The following SFMBT2 variants were observed in gnomAD, a reference collection of about 807,000 sequenced individuals.
SFMBT2 encodes the protein scm-like with four MBT domains protein 2.
A neutral mutation model predicts 110.1 loss-of-function variants in SFMBT2; 38 were observed. The observed-to-expected ratio is 0.35, with a 90% confidence interval of 0.27 to 0.45. The LOEUF (loss-of-function observed/expected upper bound fraction) is 0.45. Ranked by LOEUF, SFMBT2 falls within the 20% of genes least tolerant of loss-of-function variation. SFMBT2 has a pLI of 1.00. For synonymous variants in SFMBT2, 425 were observed against 425.4 expected (o/e 1.00, Z 0.01); for missense variants, 1,011 against 1,094.9 (o/e 0.92, Z 1.08).
intron 4 of SFMBT2, among the ~76,000 whole-genome samples, chr10:7,353,137 C>A (rs1844380001): frequency 6.6e-6 from 1 of 152,144 alleles, no homozygotes; most frequent in African/African-American, 2.4e-5. Context: ...GACTATATTA[C>A]CAGTGTGCTT....
intron 4 of SFMBT2, chr10:7,287,449 C>G (rs1842129025): frequency 8.2e-6 from 2 of 243,962 alleles, no homozygotes; most frequent in South Asian, 3.0e-4. Context: ...AACCCAAGAC[C>G]TGAGGAAAGC....
At position 7,248,610 on chromosome 10, in the gene SFMBT2, T is replaced by C. The variant is rs770614042; in HGVS notation, c.910A>G (p.Met304Val). The change falls in exon 8 of 21, where the codon ATG becomes GTG. Residue 304 changes from methionine (M) to valine (V), a missense_variant. Coordinates refer to ENST00000397167, the MANE Select transcript of SFMBT2 (RefSeq NM_001387889.1). ...CACATATTCACTGTCTCAAGCTTCA[T>C]CCCAACTGTGAAGAAATGGCTTCGC... ...DLRSHFFTVGMKLETVNMCEP... is the reference protein window; with the variant it reads ...DLRSHFFTVGVKLETVNMCEP... The C allele has an allele frequency of 1.9e-6, 3 of 1,614,052 alleles. No homozygotes were observed. In the African/African-American group the frequency reaches 4.0e-5, roughly 22 times the overall value.
In SFMBT2 at chr10:7,171,349, T is replaced by A; in HGVS notation, c.2416-293A>T. On this transcript the variant is annotated intron_variant, in intron 19 of 20. Transcript: ENST00000397167. The surrounding 1 kb of genome is among the most constrained non-coding windows in gnomAD (Gnocchi z 4.9). ...CTTGGGCCTGCTTATGAACGAAGCA[T>A]CTCTGATTAGAGAAAAGAGGAGAAA... The A allele has an allele frequency of 1.0e-6, 1 of 981,398 alleles. No individual in the cohort carries two copies. Among genetic ancestry groups the A allele is most frequent in the South Asian group, 4.7e-5 (1 of 21,216 alleles). The allele number at this position is 981,398 out of a possible 1,614,324, so 60.8% of individuals were successfully genotyped here.
At chr10:7,316,592 A>C (rs1426486729) in intron 4 of SFMBT2, among the ~76,000 whole-genome samples, 2 of 152,162 alleles carry the variant, frequency 1.3e-5, no homozygotes, top group Admixed American at 1.3e-4. Context: ...TGAGTTTAAA[A>C]CCTGGATCCA....
chr10:7,347,888 T>C (rs1309215986), intron 4 of SFMBT2, among the ~76,000 whole-genome samples: 1 of 152,212 alleles, frequency 6.6e-6, no homozygotes, highest in Non-Finnish European at 1.5e-5. Context: ...GGCACATAAA[T>C]ACATACACTT....
At chr10:7,318,915 T>G (rs548027419) in intron 4 of SFMBT2, among the ~76,000 whole-genome samples, 1 of 152,216 alleles carries the variant, frequency 6.6e-6, no homozygotes, top group Non-Finnish European at 1.5e-5. Context: ...CATGCAATTA[T>G]CTGAGGGAAG....
At chr10:7,401,532 C>T (rs1588513102) in intron 1 of SFMBT2, among the ~76,000 whole-genome samples, 1 of 152,076 alleles carries the variant, frequency 6.6e-6, no homozygotes, top group East Asian at 1.9e-4. Context: ...GAATTAAAAC[C>T]AACGATGAAA....
At chr10:7,228,733 TTCCTTTCTCTCTCTCTC>T (rs1840005674) in intron 9 of SFMBT2, among the ~76,000 whole-genome samples, 39 of 70,550 alleles carry the variant, frequency 5.5e-4, no homozygotes, top group African/African-American at 9.1e-4. Flanking sequence ...CTTTCTTTCT[TTCCTTTCTCTCTCTCTC>T]TCTCTCTCTC....
At chr10:7,360,206 G>A (rs968819538) in intron 4 of SFMBT2, among the ~76,000 whole-genome samples, 3 of 152,146 alleles carry the variant, frequency 2.0e-5, no homozygotes, top group African/African-American at 4.8e-5. Flanking sequence ...ACTGGCTCAC[G>A]CCTGTAACCC....
chr10:7,315,022 G>GAGAGGAAGAA (rs1163727185), intron 4 of SFMBT2, among the ~76,000 whole-genome samples: 2 of 112,364 alleles, frequency 1.8e-5, no homozygotes, highest in East Asian at 2.8e-4. Context: ...AAAGAAAAGA[G>GAGAGGAAGAA]AGAGAAAGAA....
At chr10:7,381,086 T>C (rs537155296) in intron 2 of SFMBT2, among the ~76,000 whole-genome samples, 3 of 151,716 alleles carry the variant, frequency 2.0e-5, no homozygotes, top group African/African-American at 7.3e-5. Context: ...CATACATACA[T>C]ACATACATAC....
At chr10:7,236,621 T>C (rs1840265112) in intron 9 of SFMBT2, among the ~76,000 whole-genome samples, 1 of 151,222 alleles carries the variant, frequency 6.6e-6, no homozygotes, top group Non-Finnish European at 1.5e-5. Context: ...ATAAGATAGT[T>C]TTCCTTCCTC....
At chr10:7,316,026 T>A (rs147144170) in intron 4 of SFMBT2, among the ~76,000 whole-genome samples, 1 of 152,150 alleles carries the variant, frequency 6.6e-6, no homozygotes, top group Admixed American at 6.5e-5. Flanking sequence ...CCTGGAACAA[T>A]TGGAAGCTGA....
chr10:7,206,929 T>A lies in SFMBT2; in HGVS notation c.1331-1001A>T, dbSNP rs570596827. The A allele has an allele frequency of 4.1e-6, 4 of 985,384 alleles. No homozygotes were observed. In the East Asian group the frequency reaches 3.4e-4, roughly 84 times the overall value. The allele number at this position is 985,384 out of a possible 1,614,324, so 61.0% of individuals were successfully genotyped here. A position where few individuals can be genotyped will look rare whatever the true frequency, so the allele number is the denominator to read the frequency against. ...TTGGTTTCCTCATTGAGAACCAAGA[T>A]GAAGATAACACAGTGGCCGGGTGTG... is the stretch of plus-strand genomic sequence containing the variant. On this transcript the variant is annotated intron_variant, in intron 11 of 20. Transcript: ENST00000397167.
chr10:7,205,946 G>C lies in SFMBT2; in HGVS notation c.1331-18C>G. On this transcript the variant is annotated intron_variant, in intron 11 of 20. Transcript: ENST00000397167. Reference sequence around the variant, plus strand: ...CTGCAGCCCTGCATGGGAAGAAGTTGAAACAAGAGGTACAAACAGATCTTA... The same window carrying C: ...CTGCAGCCCTGCATGGGAAGAAGTTCAAACAAGAGGTACAAACAGATCTTA... 6.2e-7 allele frequency: 1 copy of C among 1,613,394 alleles called. No homozygotes were observed. Among genetic ancestry groups the C allele is most frequent in the Non-Finnish European group, 8.5e-7 (1 of 1,179,636 alleles).
intron 15 of SFMBT2, among the ~76,000 whole-genome samples, chr10:7,196,199 G>T (rs1487302777): frequency 6.6e-6 from 1 of 152,074 alleles, no homozygotes; most frequent in African/African-American, 2.4e-5. Context: ...ATCAGAGAAG[G>T]CCTTTCACAA....
chr10:7,268,234 T>C (rs1017069044), intron 7 of SFMBT2, among the ~76,000 whole-genome samples: 1 of 152,236 alleles, frequency 6.6e-6, no homozygotes, highest in Admixed American at 6.5e-5. Context: ...TAGTGGTCTC[T>C]TAGTATACAC....
chr10:7,264,376 A>G (rs1227703934), intron 7 of SFMBT2, among the ~76,000 whole-genome samples: 1 of 152,190 alleles, frequency 6.6e-6, no homozygotes, highest in Non-Finnish European at 1.5e-5. Flanking sequence ...TATGTCAAAG[A>G]CGACAGAGAC....
chr10:7,368,135 T>C (rs1342140208), intron 3 of SFMBT2, among the ~76,000 whole-genome samples: 1 of 152,182 alleles, frequency 6.6e-6, no homozygotes, highest in Non-Finnish European at 1.5e-5. Context: ...TTTAACCCAA[T>C]ATATCCAAAA....
Sources: allele counts gnomAD v4.1 joint callset (sites outside exome capture counted in the v4.1 genomes callset), GRCh38; gene constraint gnomAD v4.1.1; non-coding constraint Gnocchi (gnomAD v3.1); transcripts MANE v1.5; gene names NCBI Gene and HGNC (gene_info 2026-07-23, HGNC 2026-07-21).